CELF4: variants seen among roughly 807,000 people sequenced by gnomAD.
The protein encoded by CELF4 is CUG-BP- and ETR-3-like factor 4.
A neutral mutation model predicts 59.9 loss-of-function variants in CELF4; 18 were observed. The observed-to-expected ratio is 0.30, with a 90% CI of 0.21 to 0.45. The LOEUF is 0.45. Ranked by LOEUF, CELF4 falls within the 20% of genes least tolerant of loss-of-function variation. CELF4 has a pLI of 1.00. For missense variants in CELF4, 456 were observed against 689.0 expected, an observed-to-expected ratio of 0.66 and a Z score of 3.79; for synonymous variants, 261 against 267.1, an observed-to-expected ratio of 0.98 and a Z score of 0.22.
At chr18:37,251,712 G>GTCCC (rs1568867152) in intron 12 of CELF4, among the ~76,000 whole-genome samples, 1 of 152,138 alleles carries the variant, frequency 6.6e-6, no homozygotes, top group African/African-American at 2.4e-5. Context: ...TCACGAAACC[G>GTCCC]TCCCTCCATT....
chr18:37,348,124 A>G (rs1188884747), intron 2 of CELF4, among the ~76,000 whole-genome samples: 1 of 151,778 alleles, frequency 6.6e-6, no homozygotes, highest in African/African-American at 2.4e-5. Flanking sequence ...GCCTTTGTCT[A>G]CCTCTGCATT....
chr18:37,547,160 G>GGTGTGTGT (rs59169669), intron 1 of CELF4, among the ~76,000 whole-genome samples: 2,319 of 144,216 alleles, frequency 0.016, 59 homozygotes, highest in African/African-American at 0.047. Context: ...GTGTGTGTGT[G>GGTGTGTGT]GTGTGTGTGT....
chr18:37,434,474 C>T (rs553488060), intron 2 of CELF4, among the ~76,000 whole-genome samples: 3 of 152,312 alleles, frequency 2.0e-5, no homozygotes, highest in Admixed American at 6.5e-5. Flanking sequence ...TTCAGTGGCC[C>T]CTGTCTAAAA....
intron 3 of CELF4, among the ~76,000 whole-genome samples, chr18:37,321,472 C>T (rs2097114197): frequency 6.6e-6 from 1 of 152,260 alleles, no homozygotes; most frequent in African/African-American, 2.4e-5. Context: ...CAAGCCCCAT[C>T]ACGGTGGGGT....
chr18:37,544,111 G>T (rs1230961113), intron 1 of CELF4, among the ~76,000 whole-genome samples: 1 of 152,040 alleles, frequency 6.6e-6, no homozygotes, highest in East Asian at 1.9e-4. Flanking sequence ...GGCAAGGGCG[G>T]CAAGGCCAGG....
chr18:37,563,400 T>G, intron 1 of CELF4, among the ~76,000 whole-genome samples: 1 of 152,094 alleles, frequency 6.6e-6, no homozygotes, highest in East Asian at 1.9e-4. Context: ...TAAAAACTGA[T>G]CATTAAGATG....
intron 1 of CELF4, among the ~76,000 whole-genome samples, chr18:37,513,998 AG>A (rs973412222): frequency 1.3e-5 from 2 of 148,154 alleles, no homozygotes; most frequent in African/African-American, 5.0e-5. Flanking sequence ...CTTCTGACAG[AG>A]GTGTGGGATG....
chr18:37,420,164 G>A (rs1182559942), intron 2 of CELF4, among the ~76,000 whole-genome samples: 1 of 152,178 alleles, frequency 6.6e-6, no homozygotes, highest in East Asian at 1.9e-4. Context: ...GAGCTGCAGG[G>A]GCTAATTCAG....
chr18:37,380,016 G>C (rs2154568944), intron 2 of CELF4, among the ~76,000 whole-genome samples: 1 of 152,282 alleles, frequency 6.6e-6, no homozygotes, highest in African/African-American at 2.4e-5. Flanking sequence ...CAGACCTTCT[G>C]TCCATGTTCT....
intron 1 of CELF4, among the ~76,000 whole-genome samples, chr18:37,494,817 C>T (rs2154603625): frequency 6.6e-6 from 1 of 152,250 alleles, no homozygotes; most frequent in Middle Eastern, 3.4e-3. Context: ...CTCAGGGAGA[C>T]ACGAGGGTCC....
intron 3 of CELF4, among the ~76,000 whole-genome samples, chr18:37,300,492 T>C (rs2095950021): frequency 6.6e-6 from 1 of 152,202 alleles, no homozygotes; most frequent in Non-Finnish European, 1.5e-5. Flanking sequence ...CCCAAAGTGC[T>C]GGGATTACAG....
At chr18:37,548,042 T>A (rs1371921285) in intron 1 of CELF4, among the ~76,000 whole-genome samples, 1 of 152,110 alleles carries the variant, frequency 6.6e-6, no homozygotes, top group Non-Finnish European at 1.5e-5. Context: ...TATGGGTGTC[T>A]GTGTGTACTG....
At chr18:37,538,886 G>C (rs531233398) in intron 1 of CELF4, among the ~76,000 whole-genome samples, 23 of 152,222 alleles carry the variant, frequency 1.5e-4, no homozygotes, top group Admixed American at 7.2e-4. Context: ...CGTTCCTCCC[G>C]TCACCTCCCG....
chr18:37,470,890 CAG>C (rs142446683), intron 2 of CELF4, among the ~76,000 whole-genome samples: 4,842 of 94,840 alleles, frequency 0.051, 279 homozygotes, highest in African/African-American at 0.18. Context: ...GTGTGTGTGA[CAG>C]AGAGAGAGAG....
chr18:37,482,876 G>A (rs550818919), intron 2 of CELF4, among the ~76,000 whole-genome samples: 45 of 152,314 alleles, frequency 3.0e-4, no homozygotes, highest in African/African-American at 1.1e-3. Context: ...AGAAAGTGGA[G>A]GGCTGATTTT....
intron 3 of CELF4, among the ~76,000 whole-genome samples, chr18:37,275,480 G>A (rs533663167): frequency 6.6e-6 from 1 of 152,248 alleles, no homozygotes; most frequent in South Asian, 2.1e-4. Context: ...GACAGGTGCG[G>A]AGAGAGCTGT....
intron 2 of CELF4, among the ~76,000 whole-genome samples, chr18:37,332,804 C>T (rs1398135532): frequency 6.6e-6 from 1 of 152,236 alleles, no homozygotes; most frequent in African/African-American, 2.4e-5. Context: ...CGTGACCATG[C>T]TGCTGCTGGG....
At chr18:37,268,720 G>GA (rs1331386119) in intron 8 of CELF4, among the ~76,000 whole-genome samples, 2 of 152,166 alleles carry the variant, frequency 1.3e-5, no homozygotes, top group Admixed American at 1.3e-4. Flanking sequence ...CAGGGAAACA[G>GA]AAAAAAGCAT....
chr18:37,266,592 C>G lies in CELF4; in HGVS notation c.1106G>C (p.Ser369Thr), dbSNP rs1374454495. The change falls in exon 9 of 13, where the codon AGC (serine) becomes ACC (threonine). Residue 369 changes from serine to threonine, a missense_variant. By Grantham distance (58) the Ser-to-Thr change is moderately conservative. Coordinates refer to ENST00000420428, the MANE Select transcript of CELF4 (RefSeq NM_020180.4). ...CTGCAGGGGGTCCGCGGCGGTGGGG[C>G]TCTGTGCTGTAGGGAGCCAAGGGGA... ...ANGIHPYPAQ[S>T]PTAADPLQQA... 6.3e-7 allele frequency: 1 copy of G among 1,589,156 alleles called. No individual in the cohort carries two copies. Among genetic ancestry groups the G allele is most frequent in the Non-Finnish European group, 8.6e-7 (1 of 1,169,170 alleles).
Sources: allele counts gnomAD v4.1 joint callset (sites outside exome capture counted in the v4.1 genomes callset), GRCh38; gene constraint gnomAD v4.1.1; transcripts MANE v1.5; gene names NCBI Gene and HGNC (gene_info 2026-07-23, HGNC 2026-07-21).